DICER1: variants seen among roughly 807,000 people sequenced by gnomAD.
The protein encoded by DICER1 is dicer 1, ribonuclease III.
In DICER1, 43 loss-of-function variants were observed where a neutral mutation model predicts 194.1. That is an observed-to-expected ratio of 0.22 (90% CI 0.17 to 0.29). The LOEUF (loss-of-function observed/expected upper bound fraction) is 0.29, where lower values mean the gene tolerates loss of function less well. Ranked by LOEUF, DICER1 falls within the 10% of genes least tolerant of loss-of-function variation. The pLI is 1.00. For missense variants in DICER1, 1,608 were observed against 2,317.0 expected (o/e 0.69, Z 6.28); for synonymous variants, 832 against 820.5 (o/e 1.01, Z -0.24).
intron 22 of DICER1, among the ~76,000 whole-genome samples, chr14:95,097,843 T>G (rs1349537827): frequency 6.6e-6 from 1 of 152,212 alleles, no homozygotes; most frequent in Non-Finnish European, 1.5e-5. Context: ...CTTTTCATTT[T>G]TTTAATTAAG....
chr14:95,099,912 G>T lies in DICER1; in HGVS notation c.4074C>A (p.Arg1358=), dbSNP rs1060504986. 1.2e-6 allele frequency: 2 copies of T among 1,613,866 alleles called. No individual in the cohort carries two copies. The highest frequency in any genetic ancestry group is 2.2e-5 in the East Asian group (1 of 44,876). The change falls in exon 22 of 27, where the codon CGC becomes CGA. Residue 1358 remains arginine (R), a synonymous_variant. Transcript: ENST00000343455. ...TGGGTAGTCCCTTCTTTTTTCCAAGGCGATACAGATTACAGTTGCTGACCT... is the reference window on the plus strand; with the variant it reads ...TGGGTAGTCCCTTCTTTTTTCCAAGTCGATACAGATTACAGTTGCTGACCT... ...SKKVSNCNLY[R]LGKKKGLPSR... is the part of the protein sequence containing the mutation.
intron 1 of DICER1, among the ~76,000 whole-genome samples, chr14:95,146,068 G>A (rs1895113473): frequency 6.6e-6 from 1 of 152,242 alleles, no homozygotes; most frequent in Non-Finnish European, 1.5e-5. Flanking sequence ...AGTTTATAAT[G>A]AACAAAAATG....
chr14:95,093,843 C>G, intron 24 of DICER1, 45 bp downstream of exon 24: 2 of 1,605,912 alleles, frequency 1.2e-6, no homozygotes, highest in Non-Finnish European at 1.7e-6. Context: ...TACAGAGACT[C>G]CTAGTTAGAC....
intron 14 of DICER1, among the ~76,000 whole-genome samples, 172 bp from the exon 15 acceptor site, chr14:95,108,675 C>T (rs913848682): frequency 4.6e-5 from 7 of 152,214 alleles, no homozygotes; most frequent in African/African-American, 1.7e-4. Context: ...GGTAAGTCAG[C>T]GGATCTCAGG....
In DICER1 at chr14:95,090,333, G is replaced by T; in HGVS notation, c.*165C>A. 1 of 753,778 alleles carries T rather than the reference G, an allele frequency of 1.3e-6. No homozygotes were observed. Among genetic ancestry groups the T allele is most frequent in the Non-Finnish European group, 2.1e-6 (1 of 465,310 alleles). The allele number at this position is 753,778 out of a possible 1,614,324, so 46.7% of individuals were successfully genotyped here. A position where few individuals can be genotyped will look rare whatever the true frequency, so the allele number is the denominator to read the frequency against. On this transcript the variant is annotated 3_prime_UTR_variant, in exon 27 of 27. Transcript: ENST00000343455. ...ATTAGTTCCAAAATTTTATACATAT[G>T]TTAAATGTTTTATTCTGTTATCTAT... is the stretch of plus-strand genomic sequence containing the variant.
intron 21 of DICER1, among the ~76,000 whole-genome samples, chr14:95,102,160 A>G (rs1211616806): frequency 6.6e-6 from 1 of 152,158 alleles, no homozygotes; most frequent in Non-Finnish European, 1.5e-5. Flanking sequence ...CAGAGTAAGC[A>G]CTTTTAAATT....
rs1891326300 is a variant in DICER1, at chr14:95,105,388, C to T, written c.3094-142G>A. 2 of 828,960 alleles carry T rather than the reference C, an allele frequency of 2.4e-6. No individual in the cohort carries two copies. The highest frequency in any genetic ancestry group is 5.3e-5 in the East Asian group (2 of 37,664). 51.4% of individuals were successfully genotyped at this position (828,960 alleles called of 1,614,324 possible). A position where few individuals can be genotyped will look rare whatever the true frequency, so the allele number is the denominator to read the frequency against. On this transcript the variant is annotated intron_variant, in intron 19 of 26. Coordinates refer to ENST00000343455, the MANE Select transcript of DICER1 (RefSeq NM_177438.3). This position sits in a 1 kb window ranked among gnomAD's most constrained non-coding sequence, Gnocchi z 4.9. The stretch of plus-strand genomic sequence containing the variant: ...TTAAAAAATATTTGTAAAAATAATC[C>T]TCTAAGGCCAAATGGGATTTATCAA...
At chr14:95,144,319 T>C (rs1030163121) in intron 1 of DICER1, among the ~76,000 whole-genome samples, 9 of 152,120 alleles carry the variant, frequency 5.9e-5, no homozygotes, top group African/African-American at 2.2e-4. Flanking sequence ...TCTTTTTTTT[T>C]TCCTTTGTAC....
In DICER1 at chr14:95,088,795, T is replaced by TGTGG. The variant is rs1889541214; in HGVS notation, c.*1699_*1702dup. 2 of 233,132 alleles carry TGTGG rather than the reference T, an allele frequency of 8.6e-6. No individual in the cohort carries two copies. Among genetic ancestry groups the TGTGG allele is most frequent in the Admixed American group, 1.1e-4 (2 of 17,760 alleles). The allele number at this position is 233,132 out of a possible 1,614,324, so 14.4% of individuals were successfully genotyped here. On this transcript the variant is annotated 3_prime_UTR_variant, in exon 27 of 27. Transcript: ENST00000343455. ...GTGCACTCGCACAGAGGCATTTCTC[T>TGTGG]GTGGGTGGATGATGCAGATAAAGCA...
intron 8 of DICER1, among the ~76,000 whole-genome samples, chr14:95,123,188 CAG>C (rs1447464696): frequency 2.6e-5 from 4 of 152,006 alleles, no homozygotes. Flanking sequence ...GACCATCTGA[CAG>C]AAATCTGAAG....
At chr14:95,126,328 T>C (rs1470234338) in intron 7 of DICER1, among the ~76,000 whole-genome samples, 1 of 152,226 alleles carries the variant, frequency 6.6e-6, no homozygotes, top group Non-Finnish European at 1.5e-5. Context: ...TCACTCCTTA[T>C]ACTTAAATAA....
In DICER1 at chr14:95,132,567, GAT is replaced by G; in HGVS notation, c.253_254del (p.Ile85GlnfsTer59). 1.2e-6 allele frequency: 2 copies of G among 1,613,960 alleles called. No individual in the cohort carries two copies. The highest frequency in any genetic ancestry group is 1.7e-6 in the Non-Finnish European group (2 of 1,179,916). On this transcript the variant is annotated frameshift_variant, in exon 3 of 27. Transcript: ENST00000343455. LOFTEE classifies it high-confidence loss of function. ...TTCCATTTCTGCTGAAGTCTCCCCT[GAT>G]CTGATAGGACAGCTCTTTAGTGAGT... ...VLLTKELSYQ[I>X]RGDFSRNGKR... is the part of the protein sequence containing the mutation.
rs1008726373 is a variant in DICER1, at chr14:95,146,012, G to A, written c.-46+11218C>T. On this transcript the variant is annotated intron_variant, in intron 1 of 26. Coordinates refer to ENST00000343455, the MANE Select transcript of DICER1 (RefSeq NM_177438.3). Reference sequence around the variant, plus strand: ...TTGAGGAAATGGTTTGGTAAACCCTGGTTCATTTTACATGGTGAAGTTCAA... The same window carrying A: ...TTGAGGAAATGGTTTGGTAAACCCTAGTTCATTTTACATGGTGAAGTTCAA... 3.9e-5 allele frequency among the ~76,000 whole-genome samples: 6 copies of A among 152,248 alleles called. No homozygotes were observed. In the South Asian group the frequency reaches 6.2e-4, roughly 16 times the overall value.
At chr14:95,101,854 G>T (rs933382588) in intron 21 of DICER1, among the ~76,000 whole-genome samples, 7 of 152,146 alleles carry the variant, frequency 4.6e-5, no homozygotes, top group Non-Finnish European at 7.3e-5. Context: ...GAGCACTTGG[G>T]AAATGCTTGG....
intron 1 of DICER1, among the ~76,000 whole-genome samples, chr14:95,139,357 A>G (rs907853564): frequency 3.9e-5 from 6 of 152,222 alleles, no homozygotes; most frequent in African/African-American, 1.4e-4. Flanking sequence ...TACCTGTATT[A>G]CCCACTGTAC....
chr14:95,139,504 CAT>C (rs969575923), intron 1 of DICER1, among the ~76,000 whole-genome samples: 1 of 152,236 alleles, frequency 6.6e-6, no homozygotes, highest in Admixed American at 6.5e-5. Flanking sequence ...TAGAGCTATT[CAT>C]AGACACACAT....
In DICER1 at chr14:95,104,149, T is replaced by C. The variant is rs199620494; in HGVS notation, c.3270-23A>G. 314 of 1,589,582 alleles carry C rather than the reference T, an allele frequency of 2.0e-4. 3 individuals carry two copies. The African/African-American group carries it at 3.5e-3, about 18-fold the overall frequency. ...TATCTGCAAAGACATTTTTATAACTTTACATCAGATTCTTCAAAACAGCTA... is the reference window on the plus strand; with the variant it reads ...TATCTGCAAAGACATTTTTATAACTCTACATCAGATTCTTCAAAACAGCTA... On this transcript the variant is annotated intron_variant, in intron 20 of 26. Coordinates refer to ENST00000343455, the MANE Select transcript of DICER1 (RefSeq NM_177438.3).
chr14:95,134,950 T>G (rs1359101677), intron 1 of DICER1, among the ~76,000 whole-genome samples: 1 of 152,158 alleles, frequency 6.6e-6, no homozygotes, highest in Non-Finnish European at 1.5e-5. Context: ...CAACAGCCAT[T>G]CCTTTTACCC....
rs767729028 is a variant in DICER1 at position 95,124,487 on chromosome 14, T to C, written c.1085A>G (p.His362Arg). The C allele has an allele frequency of 4.3e-6, 7 of 1,614,052 alleles. No individual in the cohort carries two copies. The African/African-American group carries it at 6.7e-5, about 15-fold the overall frequency. Reference protein sequence around the residue: ...LRKIHALCEEHFSPASLDLKF... With the variant: ...LRKIHALCEERFSPASLDLKF... ...CAGGTCAAGTGAGGCAGGTGAGAAG[T>C]GCTCTTCACATAGTGCATGTATTTT... Residue 362 changes from histidine to arginine, a missense_variant, in exon 8 of 27, where the codon CAC becomes CGC. Around this residue, in one of 10 missense-constraint regions of DICER1, gnomAD observed 657 missense variants for 910.1 expected, o/e 0.72. Coordinates refer to ENST00000343455, the MANE Select transcript of DICER1 (RefSeq NM_177438.3). This position sits in a 1 kb window ranked among gnomAD's most constrained non-coding sequence, Gnocchi z 4.5.
Sources: gnomAD v4.1 joint callset for allele counts (sites outside exome capture counted in the v4.1 genomes callset) on GRCh38, gnomAD v4.1.1 for gene constraint, gnomAD v4.1.1 regional missense constraint, Gnocchi (gnomAD v3.1) non-coding constraint, MANE v1.5 for transcripts, NCBI Gene and HGNC (gene_info 2026-07-23, HGNC 2026-07-21) for gene names.